The following KLF12 variants were observed in gnomAD, a reference collection of about 807,000 sequenced individuals.
KLF12 encodes the protein Krueppel-like factor 12.
A neutral mutation model predicts 37.8 loss-of-function variants in KLF12; 9 were observed. The observed-to-expected ratio is 0.24, with a 90% CI of 0.14 to 0.42. KLF12 has a LOEUF of 0.42. Among genes scored for constraint, KLF12 ranks in the 10% least tolerant of loss-of-function variants. KLF12 has a pLI of 1.00. For missense variants in KLF12, 411 were observed against 516.0 expected (o/e 0.80, Z 1.97); for synonymous variants, 208 against 202.1 (o/e 1.03, Z -0.25).
At chr13:74,182,976 T>C in the KLF12 span, among the ~76,000 whole-genome samples, 14 of 152,268 alleles carry the variant, frequency 9.2e-5, no homozygotes, top group African/African-American at 3.4e-4. Context: ...AGGAACATCA[T>C]GTGAGACTAG....
At chr13:74,259,876 G>T in the KLF12 span, 1 of 152,268 alleles carries the variant, frequency 6.6e-6, no homozygotes, top group South Asian at 2.1e-4. Flanking sequence ...TGATTTTGCT[G>T]CACTCCTAGA....
chr13:73,898,851 G>A (rs1327601117), intron 3 of KLF12, among the ~76,000 whole-genome samples: 1 of 152,216 alleles, frequency 6.6e-6, no homozygotes, highest in Non-Finnish European at 1.5e-5. Flanking sequence ...AATGAAGGAT[G>A]GACGGGTGAG....
chr13:73,851,801 TTAA>T (rs1335688446), intron 3 of KLF12, among the ~76,000 whole-genome samples: 1 of 152,198 alleles, frequency 6.6e-6, no homozygotes, highest in African/African-American at 2.4e-5. Context: ...TAAAAAGGAA[TTAA>T]ACTAAATCTA....
chr13:74,006,326 G>A (rs1258221208), intron 1 of KLF12, among the ~76,000 whole-genome samples: 1 of 152,022 alleles, frequency 6.6e-6, no homozygotes, highest in East Asian at 1.9e-4. Context: ...TCCCTACAGA[G>A]GTATCTTCCA....
intron 3 of KLF12, among the ~76,000 whole-genome samples, chr13:73,878,166 C>A (rs544502121): frequency 6.6e-6 from 1 of 152,226 alleles, no homozygotes; most frequent in South Asian, 2.1e-4. Context: ...AAGAGTTACA[C>A]AGACTTTATA....
At chr13:73,830,190 T>C (rs540864411) in intron 4 of KLF12, among the ~76,000 whole-genome samples, 1 of 152,316 alleles carries the variant, frequency 6.6e-6, no homozygotes. Flanking sequence ...AAGCAGTGCA[T>C]CACCAGTGAG....
At chr13:73,779,253 G>A (rs1488165908) in intron 5 of KLF12, among the ~76,000 whole-genome samples, 2 of 152,068 alleles carry the variant, frequency 1.3e-5, no homozygotes, top group East Asian at 1.9e-4. Flanking sequence ...CCCCTAGAGA[G>A]TTTCAGGTTT....
At chr13:74,103,624 TTAAC>T (rs1342877952) in intron 1 of KLF12, among the ~76,000 whole-genome samples, 1 of 152,200 alleles carries the variant, frequency 6.6e-6, no homozygotes, top group Non-Finnish European at 1.5e-5. Flanking sequence ...CTATTTGTAT[TTAAC>T]TATACTGATC....
chr13:74,287,970 AC>A, the KLF12 span, among the ~76,000 whole-genome samples: 1 of 114,770 alleles, frequency 8.7e-6, no homozygotes, highest in Non-Finnish European at 1.8e-5. Flanking sequence ...CCCCCCTCCC[AC>A]CCGGCCCAGG....
At chr13:73,991,646 A>C in intron 2 of KLF12, among the ~76,000 whole-genome samples, 1 of 152,208 alleles carries the variant, frequency 6.6e-6, no homozygotes, top group South Asian at 2.1e-4. Flanking sequence ...TTCCAGATCA[A>C]ACAGACAGAT....
chr13:74,101,180 G>C (rs1363715495), intron 1 of KLF12, among the ~76,000 whole-genome samples: 3 of 152,110 alleles, frequency 2.0e-5, no homozygotes, highest in Non-Finnish European at 4.4e-5. Flanking sequence ...CCAGACTACT[G>C]TCCATTTTCT....
At chr13:74,176,099 C>T in the KLF12 span, among the ~76,000 whole-genome samples, 2 of 152,120 alleles carry the variant, frequency 1.3e-5, no homozygotes, top group African/African-American at 4.8e-5. Flanking sequence ...TTGATTTAAA[C>T]CTGGTTTTCT....
chr13:73,997,953 TA>T (rs1566498257), intron 1 of KLF12, among the ~76,000 whole-genome samples: 1 of 152,210 alleles, frequency 6.6e-6, no homozygotes, highest in Non-Finnish European at 1.5e-5. Flanking sequence ...CTCATGGTTT[TA>T]GAGGAGAGAC....
upstream of KLF12, among the ~76,000 whole-genome samples, chr13:74,134,471 T>C (rs1878453925): frequency 6.6e-6 from 1 of 151,330 alleles, no homozygotes. Flanking sequence ...CAACACCCAC[T>C]GCCCGGCCCT....
chr13:74,243,160 G>GTTCAAT, the KLF12 span, among the ~76,000 whole-genome samples: 3 of 152,112 alleles, frequency 2.0e-5, no homozygotes, highest in African/African-American at 7.2e-5. Flanking sequence ...CTGTGTCCAT[G>GTTCAAT]TGTTCTCATT....
chr13:74,286,969 AG>A, the KLF12 span, among the ~76,000 whole-genome samples: 1 of 152,214 alleles, frequency 6.6e-6, no homozygotes, highest in African/African-American at 2.4e-5. Flanking sequence ...GTCCCTTTGA[AG>A]GAGAAAGCCT....
At chr13:73,736,474 A>C (rs533702028) in intron 6 of KLF12, among the ~76,000 whole-genome samples, 17 of 152,268 alleles carry the variant, frequency 1.1e-4, no homozygotes, top group Admixed American at 1.0e-3. Context: ...TAATCCCTAT[A>C]CTAGAAAAGT....
the KLF12 span, among the ~76,000 whole-genome samples, chr13:74,198,116 G>T: frequency 4.6e-5 from 7 of 152,072 alleles, no homozygotes; most frequent in Non-Finnish European, 4.4e-5. Flanking sequence ...AGCAAAGATG[G>T]GGAATTTTGT....
chr13:73,845,116 A>G (rs1394125730), intron 4 of KLF12: 1 of 152,218 alleles, frequency 6.6e-6, no homozygotes, highest in African/African-American at 2.4e-5. Flanking sequence ...ACTAGTGATG[A>G]TTACACATAG....
Sources: gnomAD v4.1 joint callset for allele counts (sites outside exome capture counted in the v4.1 genomes callset) on GRCh38, gnomAD v4.1.1 for gene constraint, MANE v1.5 for transcripts, NCBI Gene and HGNC (gene_info 2026-07-23, HGNC 2026-07-21) for gene names.